Variants in CTNNA3 observed in about 807,000 individuals in gnomAD.
CTNNA3 encodes catenin alpha 3, also known as catenin alpha-3.
In CTNNA3, 76 loss-of-function variants were observed where a neutral mutation model predicts 95.7. The observed-to-expected ratio is 0.79, with a 90% CI of 0.66 to 0.96. CTNNA3 has a LOEUF of 0.96. Among genes scored for constraint, CTNNA3 ranks in the 40% least tolerant of loss-of-function variants. CTNNA3 has a pLI of 0.00. For missense variants in CTNNA3, 1,191 were observed against 1,089.8 expected (o/e 1.09, Z -1.31); for synonymous variants, 431 against 374.4 (o/e 1.15, Z -1.74).
intron 9 of CTNNA3, among the ~76,000 whole-genome samples, chr10:66,639,523 T>C (rs1845446338): frequency 6.6e-6 from 1 of 152,184 alleles, no homozygotes; most frequent in African/African-American, 2.4e-5. Context: ...TCCATGAAGA[T>C]GACTAACCCA....
rs547948076 is a variant in CTNNA3 at position 67,512,316 on chromosome 10, AGTAT to A, written c.579+9522_579+9525del. ...AATTGGTACAGCCACTATGAACAGT[AGTAT>A]GAAGGTTCCTAAAATAGATTTTAAA... is the stretch of plus-strand genomic sequence containing the variant. On this transcript the variant is annotated intron_variant, in intron 5 of 17. Transcript: ENST00000433211. Among the ~76,000 whole-genome samples the A allele has an allele frequency of 3.5e-3, 537 of 152,330 alleles. 4 individuals carry two copies. The highest frequency in any genetic ancestry group is 0.012 in the African/African-American group (494 of 41,574).
At chr10:66,970,246 A>G (rs553851489) in intron 7 of CTNNA3, among the ~76,000 whole-genome samples, 10 of 152,224 alleles carry the variant, frequency 6.6e-5, no homozygotes, top group Non-Finnish European at 7.3e-5. Flanking sequence ...ACAAAAGTTT[A>G]TAGTCTGTCA....
chr10:67,544,573 A>C (rs1409880466), intron 3 of CTNNA3, among the ~76,000 whole-genome samples: 1 of 152,234 alleles, frequency 6.6e-6, no homozygotes, highest in African/African-American at 2.4e-5. Flanking sequence ...GATAATCTGC[A>C]CATGCTCCCT....
At chr10:66,230,277 G>A (rs1045893208) in intron 13 of CTNNA3, among the ~76,000 whole-genome samples, 15 of 151,930 alleles carry the variant, frequency 9.9e-5, no homozygotes, top group African/African-American at 3.6e-4. Flanking sequence ...TGTTTTTCCT[G>A]TTCTTAAATT....
chr10:67,154,068 C>G (rs1344520454), intron 7 of CTNNA3, among the ~76,000 whole-genome samples: 1 of 151,942 alleles, frequency 6.6e-6, no homozygotes, highest in Non-Finnish European at 1.5e-5. Flanking sequence ...CTTTGTTTTA[C>G]AAACTATATC....
At chr10:66,980,443 G>A (rs1232237580) in intron 7 of CTNNA3, among the ~76,000 whole-genome samples, 1 of 143,144 alleles carries the variant, frequency 7.0e-6, no homozygotes, top group Non-Finnish European at 1.6e-5. Context: ...AGCTGTCACT[G>A]GCCTTTTCTG....
chr10:66,875,267 A>G (rs1486412770), intron 7 of CTNNA3, among the ~76,000 whole-genome samples: 1 of 152,156 alleles, frequency 6.6e-6, no homozygotes, highest in African/African-American at 2.4e-5. Context: ...CCAGGAACAT[A>G]GTGGTTACAT....
At chr10:66,251,228 T>C (rs1423100676) in intron 13 of CTNNA3, among the ~76,000 whole-genome samples, 1 of 152,152 alleles carries the variant, frequency 6.6e-6, no homozygotes, top group Non-Finnish European at 1.5e-5. Flanking sequence ...TAGTGTCTCT[T>C]CCATGGACAT....
intron 11 of CTNNA3, among the ~76,000 whole-genome samples, chr10:66,454,825 AG>A (rs2093485596): frequency 1.6e-5 from 1 of 61,172 alleles, no homozygotes; most frequent in Non-Finnish European, 3.2e-5. Flanking sequence ...GAGGGGGAGG[AG>A]GGGGAGGAGG....
chr10:66,778,940 C>T (rs900714818), intron 7 of CTNNA3, among the ~76,000 whole-genome samples: 42 of 152,074 alleles, frequency 2.8e-4, no homozygotes, highest in Non-Finnish European at 5.0e-4. Flanking sequence ...CGCGCCACTG[C>T]ACTCCAGCCT....
At chr10:67,165,804 T>C (rs574582683) in intron 7 of CTNNA3, among the ~76,000 whole-genome samples, 44 of 152,282 alleles carry the variant, frequency 2.9e-4, no homozygotes, top group African/African-American at 1.0e-3. Context: ...TTTTTACAAG[T>C]GTTAGGTTTA....
chr10:66,450,545 GAT>G (rs2131822189), intron 11 of CTNNA3, among the ~76,000 whole-genome samples: 1 of 152,132 alleles, frequency 6.6e-6, no homozygotes, highest in South Asian at 2.1e-4. Context: ...AGATAAGGAT[GAT>G]ATCAAAGAAC....
intron 11 of CTNNA3, among the ~76,000 whole-genome samples, chr10:66,394,926 C>T (rs559091153): frequency 1.1e-4 from 16 of 152,068 alleles, no homozygotes; most frequent in African/African-American, 3.6e-4. Flanking sequence ...ACAATAAATG[C>T]AAATGCACAG....
chr10:66,838,303 A>G (rs78309042), intron 7 of CTNNA3, among the ~76,000 whole-genome samples: 5,464 of 152,198 alleles, frequency 0.036, 340 homozygotes, highest in African/African-American at 0.13. Flanking sequence ...GTAATGTTAG[A>G]TGATTCATGT....
At chr10:66,479,345 G>A (rs1157105460) in intron 11 of CTNNA3, among the ~76,000 whole-genome samples, 1 of 151,710 alleles carries the variant, frequency 6.6e-6, no homozygotes, top group African/African-American at 2.4e-5. Flanking sequence ...TCAAATTATT[G>A]TTCTACCTCA....
At chr10:66,410,597 GC>G (rs2093095859) in intron 11 of CTNNA3, among the ~76,000 whole-genome samples, 1 of 152,110 alleles carries the variant, frequency 6.6e-6, no homozygotes, top group African/African-American at 2.4e-5. Context: ...AATACTGATT[GC>G]CCCCCACTCC....
At chr10:67,086,930 T>C (rs1313243789) in intron 7 of CTNNA3, among the ~76,000 whole-genome samples, 1 of 151,974 alleles carries the variant, frequency 6.6e-6, no homozygotes, top group Non-Finnish European at 1.5e-5. Flanking sequence ...TGGACTGTTG[T>C]GACTACAATT....
intron 5 of CTNNA3, among the ~76,000 whole-genome samples, chr10:67,370,351 A>ATATTTGTTTATTTATTTTATTACCC (rs1176492884): frequency 6.6e-6 from 1 of 151,832 alleles, no homozygotes; most frequent in African/African-American, 2.4e-5. Context: ...TGTTTATTTG[A>ATATTTGTTTATTTATTTTATTACCC]AGTGACAGGT....
intron 16 of CTNNA3, among the ~76,000 whole-genome samples, chr10:65,985,151 A>G (rs2078402335): frequency 1.3e-5 from 2 of 151,028 alleles, no homozygotes; most frequent in African/African-American, 4.8e-5. Context: ...AGAGTTCTTC[A>G]TTTTCCAAGA....
Sources: gnomAD v4.1 joint callset for allele counts (sites outside exome capture counted in the v4.1 genomes callset) on GRCh38, gnomAD v4.1.1 for gene constraint, MANE v1.5 for transcripts, NCBI Gene and HGNC (gene_info 2026-07-23, HGNC 2026-07-21) for gene names.